The following DHPS variants were observed in gnomAD, a reference collection of about 807,000 sequenced individuals.
DHPS encodes the protein deoxyhypusine synthase, also known as migration-inducing gene 13.
Under a neutral mutation model 38.7 loss-of-function variants are expected in DHPS, and 24 were observed. The observed-to-expected ratio is 0.62, with a 90% CI of 0.45 to 0.87. The LOEUF (loss-of-function observed/expected upper bound fraction) is 0.87, where lower values mean the gene tolerates loss of function less well. DHPS is among the 40% of genes least tolerant of loss of function. The pLI is 0.00. For missense variants in DHPS, 510 were observed against 497.6 expected, an observed-to-expected ratio of 1.02 and a Z score of -0.24; for synonymous variants, 250 against 204.4, an observed-to-expected ratio of 1.22 and a Z score of -1.90.
rs749886546 is a variant in DHPS, at chr19:12,681,728, C to CG, written c.38dup (p.Leu14AlafsTer68). 1 of 1,612,710 alleles carries CG rather than the reference C, an allele frequency of 6.2e-7. No homozygotes were observed. The highest frequency in any genetic ancestry group is 1.1e-5 in the South Asian group (1 of 91,072). ...AGCTGTGCTTTAGCACGGCGGCCAG[C>CG]GCCCCCGCTGGCGCCTCCCGTTCCA... On this transcript the variant is annotated frameshift_variant, in exon 1 of 9. Coordinates refer to ENST00000210060, the MANE Select transcript of DHPS (RefSeq NM_001930.4). LOFTEE classifies it high-confidence loss of function.
intron 5 of DHPS, 79 bp from the exon 6 acceptor site, chr19:12,677,475 A>G (rs1399385228): frequency 8.2e-7 from 1 of 1,214,950 alleles, no homozygotes; most frequent in African/African-American, 1.5e-5. Context: ...CTGACTGTGG[A>G]TGGGGTGCCT....
chr19:12,681,370 T>C, intron 1 of DHPS, 190 bp downstream of exon 1: 2 of 978,256 alleles, frequency 2.0e-6, no homozygotes, highest in South Asian at 1.7e-5. Context: ...AGCATGTAAC[T>C]ACCAGAGTGC....
In DHPS at chr19:12,679,782, C is replaced by T; in HGVS notation, c.494+19G>A. 2 of 1,614,046 alleles carry T rather than the reference C, an allele frequency of 1.2e-6. No individual in the cohort carries two copies. The highest frequency in any genetic ancestry group is 1.7e-6 in the Non-Finnish European group (2 of 1,179,922). On this transcript the variant is annotated intron_variant, in intron 3 of 8. Coordinates refer to ENST00000210060, the MANE Select transcript of DHPS (RefSeq NM_001930.4). ...CCCTTGGTCCAGCTCCCCTGCCCAA[C>T]ACCACTCAGGGTTCTCACCTATTGA...
intron 1 of DHPS, 52 bp from the exon 2 acceptor site, chr19:12,680,377 A>G: frequency 6.2e-7 from 1 of 1,603,784 alleles, no homozygotes; most frequent in Non-Finnish European, 8.5e-7. Flanking sequence ...TCCCAGACTC[A>G]GGACTCCAGG....
At chr19:12,677,547 C>G in intron 5 of DHPS, 151 bp from the exon 6 acceptor site, 1 of 654,772 alleles carries the variant, frequency 1.5e-6, no homozygotes, top group South Asian at 1.9e-5. Flanking sequence ...ACAGATGAGG[C>G]CTATATGAGA....
downstream of DHPS, among the ~76,000 whole-genome samples, chr19:12,673,825 G>C (rs939820273): frequency 6.6e-6 from 1 of 151,896 alleles, no homozygotes; most frequent in Non-Finnish European, 1.5e-5. Flanking sequence ...TCAGCCTCCT[G>C]AGTAGCTGGG....
In DHPS at chr19:12,681,488, C is replaced by T; in HGVS notation, c.207+72G>A. On this transcript the variant is annotated intron_variant, in intron 1 of 8. Transcript: ENST00000210060. ...ATATCCCCTCCACTGGAAACGCTGC[C>T]CCCGTCTAGTACCGCGTTGGTTCTA... The T allele has an allele frequency of 4.5e-6, 7 of 1,545,066 alleles. No homozygotes were observed. In the Admixed American group the frequency reaches 6.9e-5, roughly 15 times the overall value.
chr19:12,679,653 C>G lies in DHPS; in HGVS notation c.561G>C (p.Leu187=). 1 of 1,614,222 alleles carries G rather than the reference C, an allele frequency of 6.2e-7. No individual in the cohort carries two copies. Among genetic ancestry groups the G allele is most frequent in the Non-Finnish European group, 8.5e-7 (1 of 1,180,040 alleles). Residue 187 remains leucine (L), a synonymous_variant, in exon 4 of 9, where the codon CTG becomes CTC. Coordinates refer to ENST00000210060, the MANE Select transcript of DHPS (RefSeq NM_001930.4). ...CKFEDWLMPI[L]DQMVMEQNTE... ...TGTTCTGCTCCATCACCATCTGGTC[C>G]AGAATGGGCATCAGCCAGTCCTCAA...
intron 2 of DHPS, 104 bp downstream of exon 2, chr19:12,680,057 C>T (rs534719499): frequency 6.4e-7 from 1 of 1,558,202 alleles, no homozygotes; most frequent in African/African-American, 1.4e-5. Context: ...GATTCTATTC[C>T]TCTGCTTATA....
chr19:12,672,946 G>A, downstream of DHPS: 2 of 1,595,532 alleles, frequency 1.3e-6, no homozygotes, highest in Non-Finnish European at 1.7e-6. Context: ...GGACAGGCAG[G>A]GAAGATGGGG....
chr19:12,679,354 A>G, intron 5 of DHPS, 103 bp downstream of exon 5: 1 of 1,117,680 alleles, frequency 8.9e-7, no homozygotes, highest in Non-Finnish European at 1.4e-6. Context: ...TCTAAGAGTG[A>G]GGATGCTGAG....
At chr19:12,673,264 A>G, downstream of DHPS, 2 of 1,613,920 alleles carry the variant, frequency 1.2e-6, no homozygotes, top group Non-Finnish European at 1.7e-6. Flanking sequence ...CGTGACACAC[A>G]TGTGGTCAGC....
downstream of DHPS, chr19:12,673,360 A>ATCTCAG (rs2024478703): frequency 3.5e-6 from 5 of 1,428,240 alleles, no homozygotes; most frequent in Non-Finnish European, 4.9e-6. Context: ...TGCCTGCCCC[A>ATCTCAG]TCTCAGCCCT....
downstream of DHPS, chr19:12,675,711 C>G (rs779090538): frequency 2.5e-6 from 4 of 1,595,366 alleles, no homozygotes; most frequent in Non-Finnish European, 3.4e-6. Context: ...GACCGAGACA[C>G]AGACATGGAA....
At chr19:12,677,452 G>C (rs765769748) in intron 5 of DHPS, 56 bp from the exon 6 acceptor site, 3 of 1,448,458 alleles carry the variant, frequency 2.1e-6, no homozygotes, top group Non-Finnish European at 2.9e-6. Flanking sequence ...CTCCATGCTG[G>C]CTATATGACT....
chr19:12,673,584 A>G (rs1363473109), downstream of DHPS, among the ~76,000 whole-genome samples: 8 of 151,652 alleles, frequency 5.3e-5, no homozygotes, highest in Non-Finnish European at 1.2e-4. Flanking sequence ...CACCCAGCTA[A>G]TTTTTGTATT....
intron 2 of DHPS, 56 bp downstream of exon 2, chr19:12,680,105 T>A: frequency 6.2e-7 from 1 of 1,602,490 alleles, no homozygotes. Flanking sequence ...AAACGATCAA[T>A]AACTGCATTG....
In DHPS at chr19:12,679,545, T is replaced by TA. The variant is rs755791199; in HGVS notation, c.592-3dup. On this transcript the variant is annotated splice_polypyrimidine_tract_variant and splice_region_variant and intron_variant, in intron 4 of 8. Coordinates refer to ENST00000210060, the MANE Select transcript of DHPS (RefSeq NM_001930.4). Reference sequence around the variant, plus strand: ...CTTAGAAGGCGTCCACTTTACACCCTAGGAGAGGATGTGACCTTCAGGCCA... The same window carrying TA: ...CTTAGAAGGCGTCCACTTTACACCCTAAGGAGAGGATGTGACCTTCAGGCCA... 43 of 1,614,034 alleles carry TA rather than the reference T, an allele frequency of 2.7e-5. No homozygotes were observed. The highest frequency in any genetic ancestry group is 3.2e-5 in the Non-Finnish European group (38 of 1,180,000).
chr19:12,678,112 G>T (rs1325338927), intron 5 of DHPS, among the ~76,000 whole-genome samples: 2 of 151,676 alleles, frequency 1.3e-5, no homozygotes, highest in African/African-American at 4.8e-5. Context: ...ATTAGCCAGG[G>T]GTGGTGGCAC....
Sources: gnomAD v4.1 joint callset for allele counts (sites outside exome capture counted in the v4.1 genomes callset) on GRCh38, gnomAD v4.1.1 for gene constraint, MANE v1.5 for transcripts, NCBI Gene and HGNC (gene_info 2026-07-23, HGNC 2026-07-21) for gene names.